SGCE: variants seen among roughly 807,000 people sequenced by gnomAD.
SGCE encodes sarcoglycan epsilon.
A neutral mutation model predicts 57.8 loss-of-function variants in SGCE; 26 were observed. The observed-to-expected ratio is 0.45, with a 90% CI of 0.33 to 0.62. SGCE has a LOEUF of 0.62. SGCE is among the 20% of genes least tolerant of loss of function. The probability of loss-of-function intolerance (pLI) is 0.02; values close to 1 mark genes in which losing one functional copy is unlikely to be tolerated. For synonymous variants in SGCE, 183 were observed against 189.5 expected (o/e 0.97, Z 0.28); for missense variants, 468 against 548.6 (o/e 0.85, Z 1.47).
intron 9 of SGCE, among the ~76,000 whole-genome samples, chr7:94,593,087 C>G (rs1324305930): frequency 6.6e-6 from 1 of 151,642 alleles, no homozygotes; most frequent in African/African-American, 2.4e-5. Flanking sequence ...GGAATTTTAC[C>G]ATAAAGTTAG....
chr7:94,612,187 G>T (rs1801144626), intron 5 of SGCE, among the ~76,000 whole-genome samples: 1 of 152,040 alleles, frequency 6.6e-6, no homozygotes, highest in South Asian at 2.1e-4. Flanking sequence ...TTTGCAATTA[G>T]TAAGATTTTT....
intron 6 of SGCE, 22 bp downstream of exon 6, chr7:94,603,268 C>T: frequency 6.2e-7 from 1 of 1,600,230 alleles, no homozygotes; most frequent in Non-Finnish European, 8.6e-7. Flanking sequence ...ACTAAACTTG[C>T]AAAAACAAAA....
intron 5 of SGCE, among the ~76,000 whole-genome samples, chr7:94,605,688 TAAAAG>T (rs1371326310): frequency 4.0e-5 from 6 of 151,894 alleles, no homozygotes; most frequent in East Asian, 1.9e-4. Flanking sequence ...ACTGATGTGT[TAAAAG>T]AGGAGAGAAA....
At chr7:94,628,137 T>TATACAC in intron 3 of SGCE, 65 bp downstream of exon 3, 1 of 991,512 alleles carries the variant, frequency 1.0e-6, no homozygotes. Context: ...CAAATTACAA[T>TATACAC]ACACACACAC....
chr7:94,636,978 G>A (rs1015173130), intron 1 of SGCE, among the ~76,000 whole-genome samples: 5 of 150,880 alleles, frequency 3.3e-5, no homozygotes, highest in African/African-American at 1.2e-4. Flanking sequence ...AGAATCACTT[G>A]AACCCGGGAG....
intron 1 of SGCE, among the ~76,000 whole-genome samples, chr7:94,643,195 A>G (rs75307720): frequency 1.3e-5 from 2 of 152,326 alleles, no homozygotes; most frequent in African/African-American, 2.4e-5. Context: ...TTACTAGGAT[A>G]ATTTTAGGTC....
chr7:94,652,579 C>A (rs1401444824), intron 1 of SGCE, among the ~76,000 whole-genome samples: 1 of 152,140 alleles, frequency 6.6e-6, no homozygotes, highest in Non-Finnish European at 1.5e-5. Context: ...TTGTCGCTAA[C>A]CAGTTTTTTC....
intron 2 of SGCE, 185 bp from the exon 3 acceptor site, chr7:94,628,544 G>A (rs968469048): frequency 4.4e-5 from 25 of 565,210 alleles, no homozygotes; most frequent in African/African-American, 4.3e-4. Flanking sequence ...CCTTTTGGTT[G>A]TTTAATTTGT....
intron 5 of SGCE, among the ~76,000 whole-genome samples, chr7:94,615,364 A>AG (rs1229496270): frequency 5.7e-5 from 7 of 122,662 alleles, no homozygotes; most frequent in African/African-American, 2.3e-4. Flanking sequence ...GTCTCAAAAT[A>AG]AATAGATAGA....
chr7:94,588,220 A>G, intron 10 of SGCE: 1 of 1,068,836 alleles, frequency 9.4e-7, no homozygotes, highest in African/African-American at 1.7e-5. Flanking sequence ...GTCATGTTAT[A>G]ACAGCTTTTT....
chr7:94,614,583 G>A (rs1255255785), intron 5 of SGCE, among the ~76,000 whole-genome samples: 1 of 152,040 alleles, frequency 6.6e-6, no homozygotes, highest in Non-Finnish European at 1.5e-5. Context: ...CCCCTGCATA[G>A]CGTTCCCATT....
chr7:94,587,442 A>G, intron 10 of SGCE: 2 of 1,182,896 alleles, frequency 1.7e-6, no homozygotes, highest in South Asian at 3.9e-5. Context: ...ATCTTAGGCG[A>G]GATGGAAGCT....
At chr7:94,622,418 C>T (rs1034171394) in intron 4 of SGCE, 1 of 151,902 alleles carries the variant, frequency 6.6e-6, no homozygotes, top group African/African-American at 2.4e-5. Flanking sequence ...ACATGAAGTC[C>T]GGAGTTTGAG....
intron 1 of SGCE, among the ~76,000 whole-genome samples, chr7:94,630,881 A>C (rs1804598050): frequency 6.6e-6 from 1 of 151,962 alleles, no homozygotes; most frequent in Admixed American, 6.6e-5. Context: ...AAAGCCTTGG[A>C]TAGCAAGATC....
chr7:94,631,402 C>T lies in SGCE; in HGVS notation c.110-1561G>A, dbSNP rs77960537. Among the ~76,000 whole-genome samples the T allele has an allele frequency of 8.6e-3, 1,305 of 151,894 alleles. 8 individuals carry two copies. Among genetic ancestry groups the T allele is most frequent in the Middle Eastern group, 0.021 (6 of 292 alleles). The stretch of plus-strand genomic sequence containing the variant: ...CCTGCCACTGCTTTCCAGGAGTTCA[C>T]CATCTGGTATGGGAGACCAACATCC... On this transcript the variant is annotated intron_variant, in intron 1 of 10. Coordinates refer to ENST00000648936, the MANE Select transcript of SGCE (RefSeq NM_003919.3).
intron 5 of SGCE, 48 bp from the exon 6 acceptor site, chr7:94,603,500 C>A: frequency 6.5e-7 from 1 of 1,549,000 alleles, no homozygotes. Context: ...AAATTGAAAA[C>A]ACTAAAAAAC....
At chr7:94,586,381 G>A (rs1486542290) in intron 10 of SGCE, among the ~76,000 whole-genome samples, 1 of 152,108 alleles carries the variant, frequency 6.6e-6, no homozygotes, top group Admixed American at 6.5e-5. Context: ...TCAGATAGAA[G>A]AATTTAGAAA....
intron 1 of SGCE, among the ~76,000 whole-genome samples, chr7:94,633,869 T>C (rs967782775): frequency 1.1e-4 from 16 of 152,198 alleles, no homozygotes; most frequent in African/African-American, 3.4e-4. Flanking sequence ...TAATGGCATG[T>C]GCATAAGCAC....
At chr7:94,607,294 A>G (rs1384152281) in intron 5 of SGCE, among the ~76,000 whole-genome samples, 1 of 152,184 alleles carries the variant, frequency 6.6e-6, no homozygotes, top group Non-Finnish European at 1.5e-5. Flanking sequence ...TTCCTATCTC[A>G]TTCTATGAAA....
Sources: allele counts gnomAD v4.1 joint callset (sites outside exome capture counted in the v4.1 genomes callset), GRCh38; gene constraint gnomAD v4.1.1; transcripts MANE v1.5; gene names NCBI Gene and HGNC (gene_info 2026-07-23, HGNC 2026-07-21).